Variants in LRP2 observed in about 807,000 individuals in gnomAD.
LRP2 encodes low-density lipoprotein receptor-related protein 2.
Under a neutral mutation model 531.0 loss-of-function variants are expected in LRP2, and 172 were observed. That is an observed-to-expected ratio of 0.32 (90% CI 0.29 to 0.37). The LOEUF (loss-of-function observed/expected upper bound fraction) is 0.37, where lower values mean the gene tolerates loss of function less well. Among genes scored for constraint, LRP2 ranks in the 10% least tolerant of loss-of-function variants. The probability of loss-of-function intolerance (pLI) is 1.00; values close to 1 mark genes in which losing one functional copy is unlikely to be tolerated. For missense variants in LRP2, 5,167 were observed against 5,868.3 expected (o/e 0.88, Z 3.90); for synonymous variants, 1,992 against 2,027.6 (o/e 0.98, Z 0.47).
At position 169,220,365 on chromosome 2, in the gene LRP2, C is replaced by A; in HGVS notation, c.5648+89G>T. The A allele has an allele frequency of 3.2e-6, 3 of 944,130 alleles. 1 individual carries two copies. In the South Asian group the frequency reaches 4.0e-5, roughly 12 times the overall value. The allele number at this position is 944,130 out of a possible 1,614,324, so 58.5% of individuals were successfully genotyped here. On this transcript the variant is annotated intron_variant, in intron 34 of 78. Transcript: ENST00000649046. ...GTTGACATATGAAATCAGAAGATGTCCTAAATTTGAAATCTTCCATTTTGT... is the reference window on the plus strand; with the variant it reads ...GTTGACATATGAAATCAGAAGATGTACTAAATTTGAAATCTTCCATTTTGT...
intron 21 of LRP2, among the ~76,000 whole-genome samples, chr2:169,245,684 AAAG>A (rs923615274): frequency 6.6e-6 from 1 of 152,198 alleles, no homozygotes; most frequent in Non-Finnish European, 1.5e-5. Context: ...ATTACCGTCA[AAAG>A]AAGAATATAA....
chr2:169,227,376 A>T (rs1689238373), intron 31 of LRP2, among the ~76,000 whole-genome samples: 1 of 152,248 alleles, frequency 6.6e-6, no homozygotes, highest in African/African-American at 2.4e-5. Flanking sequence ...TAATTTAAAC[A>T]TTCCCATAAT....
At chr2:169,203,023 C>T in intron 42 of LRP2, 64 bp from the exon 43 acceptor site, 1 of 1,340,416 alleles carries the variant, frequency 7.5e-7, no homozygotes, top group Middle Eastern at 2.4e-4. Flanking sequence ...ATTGACCCCT[C>T]CACAATAGCA....
intron 22 of LRP2, 113 bp downstream of exon 22, chr2:169,244,580 C>G (rs1689932605): frequency 2.9e-6 from 4 of 1,393,824 alleles, no homozygotes; most frequent in Non-Finnish European, 3.0e-6. Flanking sequence ...AATAGAAGTA[C>G]TAAAGAGACA....
chr2:169,328,460 A>G (rs1265622564), intron 1 of LRP2, among the ~76,000 whole-genome samples: 189 of 148,366 alleles, frequency 1.3e-3, no homozygotes, highest in African/African-American at 3.7e-3. Context: ...AAAAAAAAAA[A>G]AAAAGAAAAA....
chr2:169,298,663 A>T (rs1185488732), intron 4 of LRP2, among the ~76,000 whole-genome samples: 1 of 152,174 alleles, frequency 6.6e-6, no homozygotes, highest in Non-Finnish European at 1.5e-5. Context: ...CCACATTAGG[A>T]AGAAGGGAAA....
chr2:169,203,901 T>C (rs1688286787), intron 42 of LRP2, 81 bp downstream of exon 42: 1 of 1,470,032 alleles, frequency 6.8e-7, no homozygotes, highest in Non-Finnish European at 9.4e-7. Context: ...TTTTTTCTCC[T>C]GTGAGAACTT....
At chr2:169,239,850 T>A in intron 25 of LRP2, 75 bp from the exon 26 acceptor site, 3 of 1,321,186 alleles carry the variant, frequency 2.3e-6, no homozygotes, top group Non-Finnish European at 2.2e-6. Context: ...TTATGCAATA[T>A]TTATTATGCA....
intron 50 of LRP2, among the ~76,000 whole-genome samples, chr2:169,184,268 G>A (rs1472778553): frequency 2.0e-5 from 3 of 152,172 alleles, no homozygotes; most frequent in African/African-American, 7.2e-5. Context: ...TGTAGGATAC[G>A]TAAAACAGGA....
At chr2:169,248,028 C>G (rs992954842) in intron 19 of LRP2, among the ~76,000 whole-genome samples, 3 of 152,084 alleles carry the variant, frequency 2.0e-5, no homozygotes, top group Admixed American at 6.6e-5. Flanking sequence ...AAATAAGAAG[C>G]TGTTGAGAAG....
rs1273204726 is a variant in LRP2 at position 169,206,871 on chromosome 2, G to A, written c.6849C>T (p.Ile2283=). The change falls in exon 39 of 79, where the codon ATC becomes ATT. Residue 2283 remains isoleucine (I), a synonymous_variant. Coordinates refer to ENST00000649046, the MANE Select transcript of LRP2 (RefSeq NM_004525.3). ...YGSRYPTPYG[I]TVFENSIIWV... ...ATATGATAGAATTTTCAAAAACAGTGATGCCATAAGGAGTTGGGTAACGAC... is the reference window on the plus strand; with the variant it reads ...ATATGATAGAATTTTCAAAAACAGTAATGCCATAAGGAGTTGGGTAACGAC... 6.2e-7 allele frequency: 1 copy of A among 1,614,048 alleles called. No individual in the cohort carries two copies. The highest frequency in any genetic ancestry group is 1.3e-5 in the African/African-American group (1 of 74,896).
chr2:169,246,970 A>G lies in LRP2; in HGVS notation c.2925T>C (p.Asn975=). 1 of 1,614,162 alleles carries G rather than the reference A, an allele frequency of 6.2e-7. No individual in the cohort carries two copies. The highest frequency in any genetic ancestry group is 1.1e-5 in the South Asian group (1 of 91,078). ...AGTCACCGTTAGGATGCGTGGGTTG[A>G]TTACAGGCGTTAGAACCTGCAAAAG... ...VNIQTGSNAC[N]QPTHPNGDCS... Residue 975 remains asparagine (N), a synonymous_variant, in exon 21 of 79, where the codon AAT becomes AAC. Transcript: ENST00000649046.
At chr2:169,293,255 C>G (rs1684045646) in intron 6 of LRP2, among the ~76,000 whole-genome samples, 1 of 152,190 alleles carries the variant, frequency 6.6e-6, no homozygotes, top group African/African-American at 2.4e-5. Context: ...TAACTTTACT[C>G]TTTCCAAAAA....
chr2:169,140,565 T>G lies in LRP2; in HGVS notation c.13109-20A>C. The G allele has an allele frequency of 6.3e-7, 1 of 1,586,876 alleles. No homozygotes were observed. The highest frequency in any genetic ancestry group is 8.7e-7 in the Non-Finnish European group (1 of 1,155,344). On this transcript the variant is annotated intron_variant, in intron 71 of 78. Transcript: ENST00000649046. The stretch of plus-strand genomic sequence containing the variant: ...CGATGGCTGCAGGAAGGGAAAGCCA[T>G]GCAGGTGTTAGTCAGCTGTACTCAG...
intron 1 of LRP2, among the ~76,000 whole-genome samples, chr2:169,352,025 CA>C (rs1685864417): frequency 6.6e-6 from 1 of 152,102 alleles, no homozygotes; most frequent in Admixed American, 6.5e-5. Flanking sequence ...GGCTGGGATA[CA>C]AAGGAAATGA....
At position 169,193,892 on chromosome 2, in the gene LRP2, C is replaced by G; in HGVS notation, c.8699G>C (p.Gly2900Ala). The change falls in exon 47 of 79, where the codon GGT (glycine) becomes GCT (alanine). Residue 2900 changes from glycine (G) to alanine (A), a missense_variant and splice_region_variant. Around this residue, in one of 6 missense-constraint regions of LRP2, gnomAD observed 1,129 missense variants for 1,362.7 expected, o/e 0.83. Coordinates refer to ENST00000649046, the MANE Select transcript of LRP2 (RefSeq NM_004525.3). ...FDASDEPASC[G>A]HSERTCLADE... ...AGCTAGGCATGTTCGCTCAGAGTGA[C>G]CTGAAAAGATCAATAGCATTCTCAG... 1 of 1,614,106 alleles carries G rather than the reference C, an allele frequency of 6.2e-7. No individual in the cohort carries two copies. Among genetic ancestry groups the G allele is most frequent in the South Asian group, 1.1e-5 (1 of 91,082 alleles).
At chr2:169,224,460 A>T (rs1032511141) in intron 33 of LRP2, among the ~76,000 whole-genome samples, 1 of 152,206 alleles carries the variant, frequency 6.6e-6, no homozygotes, top group African/African-American at 2.4e-5. Flanking sequence ...AAGAACACTT[A>T]TCTTGAAGAA....
At position 169,294,588 on chromosome 2, in the gene LRP2, C is replaced by G. The variant is rs1684087400; in HGVS notation, c.538+12G>C. On this transcript the variant is annotated intron_variant, in intron 5 of 78. Transcript: ENST00000649046. ...TCAGCACACAACTGCACATCTTGTG[C>G]ACAATACTTACTGCAGTTGATTTCA... 3 of 1,579,428 alleles carry G rather than the reference C, an allele frequency of 1.9e-6. No individual in the cohort carries two copies. Among genetic ancestry groups the G allele is most frequent in the Middle Eastern group, 1.7e-4 (1 of 6,006 alleles).
intron 77 of LRP2, among the ~76,000 whole-genome samples, chr2:169,131,164 T>C (rs7598209): frequency 0.8 from 121,308 of 152,122 alleles, 48,667 homozygotes; most frequent in Middle Eastern, 0.86. Flanking sequence ...ATTTTTAATA[T>C]AGCTTAAAGA....
Sources: allele counts gnomAD v4.1 joint callset (sites outside exome capture counted in the v4.1 genomes callset), GRCh38; gene constraint gnomAD v4.1.1; regional missense constraint gnomAD v4.1.1; transcripts MANE v1.5; gene names NCBI Gene and HGNC (gene_info 2026-07-23, HGNC 2026-07-21).